USP13: variants seen among roughly 807,000 people sequenced by gnomAD.
USP13 encodes ubiquitin specific peptidase 13, also known as ubiquitin carboxyl-terminal hydrolase 13.
A neutral mutation model predicts 107.8 loss-of-function variants in USP13; 68 were observed. The ratio of observed to expected loss-of-function variants is 0.63; its 90% confidence interval spans 0.52 to 0.77. USP13 has a LOEUF of 0.77. Among genes scored for constraint, USP13 ranks in the 30% least tolerant of loss-of-function variants. The pLI is 0.00. For missense variants in USP13, 945 were observed against 1,093.3 expected (o/e 0.86, Z 1.91); for synonymous variants, 377 against 389.5 (o/e 0.97, Z 0.38).
chr3:179,666,000 C>A (rs1282646780), intron 1 of USP13, among the ~76,000 whole-genome samples: 1 of 152,140 alleles, frequency 6.6e-6, no homozygotes, highest in South Asian at 2.1e-4. Context: ...GGATGGAATC[C>A]GAAGAGACAG....
At chr3:179,744,641 T>G (rs1331688043) in intron 12 of USP13, among the ~76,000 whole-genome samples, 1 of 152,200 alleles carries the variant, frequency 6.6e-6, no homozygotes, top group African/African-American at 2.4e-5. Flanking sequence ...GGACCTTTTC[T>G]GGCTGTGAAA....
At chr3:179,665,172 C>G (rs1198752025) in intron 1 of USP13, among the ~76,000 whole-genome samples, 2 of 152,210 alleles carry the variant, frequency 1.3e-5, no homozygotes, top group African/African-American at 4.8e-5. Context: ...TTCCTGTGCA[C>G]TCTGCACTGC....
intron 8 of USP13, among the ~76,000 whole-genome samples, chr3:179,728,336 C>T (rs1440472372): frequency 6.7e-6 from 1 of 149,208 alleles, no homozygotes. Context: ...CTCCTCACAT[C>T]CCGGACGGGG....
intron 1 of USP13, among the ~76,000 whole-genome samples, chr3:179,669,577 C>T (rs1720687040): frequency 6.6e-6 from 1 of 152,176 alleles, no homozygotes; most frequent in Non-Finnish European, 1.5e-5. Flanking sequence ...GGCTAAGCCA[C>T]CATCTGGCCT....
intron 2 of USP13, among the ~76,000 whole-genome samples, chr3:179,684,725 A>G (rs1486731821): frequency 6.6e-6 from 1 of 151,490 alleles, no homozygotes; most frequent in Non-Finnish European, 1.5e-5. Context: ...TGGTATGGCA[A>G]GCCTTGATAT....
At position 179,723,695 on chromosome 3, in the gene USP13, AT is replaced by A. The variant is rs758731183; in HGVS notation, c.1088+2107del. Among the ~76,000 whole-genome samples, 3 of 152,356 alleles carry A rather than the reference AT, an allele frequency of 2.0e-5. No homozygotes were observed. The South Asian group carries it at 6.2e-4, about 32-fold the overall frequency. On this transcript the variant is annotated intron_variant, in intron 8 of 20. Transcript: ENST00000263966. ...TATTTTCTAAACATTTACTAGATAT[AT>A]GAGAACATGAGCAATGAACTATTCA...
At chr3:179,741,211 GTTTGTT>G (rs1355428128) in intron 11 of USP13, among the ~76,000 whole-genome samples, 1 of 151,230 alleles carries the variant, frequency 6.6e-6, no homozygotes, top group African/African-American at 2.4e-5. Context: ...TTGTTTGTTT[GTTTGTT>G]TTTGTTTGTT....
intron 10 of USP13, among the ~76,000 whole-genome samples, chr3:179,732,354 T>C (rs1251789854): frequency 6.6e-6 from 1 of 152,186 alleles, no homozygotes; most frequent in African/African-American, 2.4e-5. Context: ...TATGATTGGA[T>C]TGGTTCTGCG....
intron 3 of USP13, among the ~76,000 whole-genome samples, chr3:179,700,145 G>A (rs144139169): frequency 2.6e-5 from 4 of 152,178 alleles, no homozygotes; most frequent in African/African-American, 4.8e-5. Flanking sequence ...CTGAGCCTTC[G>A]TTTAACCTTT....
chr3:179,704,466 C>T (rs934218659), intron 4 of USP13, among the ~76,000 whole-genome samples: 5 of 152,154 alleles, frequency 3.3e-5, no homozygotes, highest in African/African-American at 1.2e-4. Flanking sequence ...CACGCCTGCC[C>T]TCTTCCCTGC....
intron 3 of USP13, among the ~76,000 whole-genome samples, chr3:179,695,332 A>C (rs1432135256): frequency 6.6e-6 from 1 of 152,222 alleles, no homozygotes; most frequent in South Asian, 2.1e-4. Context: ...CCATCAGCTC[A>C]ACAGTGACAT....
rs773668205 is a variant in USP13 at position 179,742,151 on chromosome 3, G to A, written c.1381-46G>A. 2 of 1,611,186 alleles carry A rather than the reference G, an allele frequency of 1.2e-6. No homozygotes were observed. The highest frequency in any genetic ancestry group is 2.7e-5 in the African/African-American group (2 of 74,884). On this transcript the variant is annotated intron_variant, in intron 11 of 20. Coordinates refer to ENST00000263966, the MANE Select transcript of USP13 (RefSeq NM_003940.3). The surrounding 1 kb of genome is among the most constrained non-coding windows in gnomAD (Gnocchi z 5.0). The stretch of plus-strand genomic sequence containing the variant: ...GTTCATTTTCTACTAAGTCTTAGTG[G>A]CTCAATATTCATACATTTACTAACC...
In USP13 at chr3:179,701,555, C is replaced by T. The variant is rs181704198; in HGVS notation, c.477+426C>T. ...TTTATTATGTTGGCCTTCCATGTAACATTTTGTTTGGAAAAAAATAGAAGT... is the reference window on the plus strand; with the variant it reads ...TTTATTATGTTGGCCTTCCATGTAATATTTTGTTTGGAAAAAAATAGAAGT... On this transcript the variant is annotated intron_variant, in intron 4 of 20. Coordinates refer to ENST00000263966, the MANE Select transcript of USP13 (RefSeq NM_003940.3). Among the ~76,000 whole-genome samples, 6 of 152,288 alleles carry T rather than the reference C, an allele frequency of 3.9e-5. No homozygotes were observed. The East Asian group carries it at 1.2e-3, about 29-fold the overall frequency.
At chr3:179,752,142 A>G in intron 13 of USP13, 143 bp from the exon 14 acceptor site, 1 of 671,756 alleles carries the variant, frequency 1.5e-6, no homozygotes, top group Admixed American at 2.5e-5. Flanking sequence ...GTCCACTTAC[A>G]TGTCTGTGTT....
At chr3:179,685,865 G>A (rs957986869) in intron 2 of USP13, among the ~76,000 whole-genome samples, 31 of 152,024 alleles carry the variant, frequency 2.0e-4, no homozygotes, top group African/African-American at 4.6e-4. Context: ...CTTCAGGCCC[G>A]TGACTTGTTT....
At chr3:179,752,738 A>G (rs550738714) in intron 14 of USP13, among the ~76,000 whole-genome samples, 1 of 152,348 alleles carries the variant, frequency 6.6e-6, no homozygotes, top group African/African-American at 2.4e-5. Context: ...TGTGTTTCTA[A>G]CAAGCTCCCA....
intron 13 of USP13, 30 bp downstream of exon 13, chr3:179,745,247 G>T (rs779359460): frequency 3.7e-6 from 6 of 1,611,020 alleles, no homozygotes; most frequent in Middle Eastern, 1.7e-4. Flanking sequence ...GTGGCAGTGG[G>T]GTGAGGAGGG....
intron 10 of USP13, among the ~76,000 whole-genome samples, chr3:179,739,645 C>T (rs1442868832): frequency 6.6e-6 from 1 of 151,192 alleles, no homozygotes; most frequent in Non-Finnish European, 1.5e-5. Flanking sequence ...GCAACCTTCA[C>T]CTCCCGGGTT....
At chr3:179,759,987 A>C (rs1714945864) in intron 16 of USP13, among the ~76,000 whole-genome samples, 1 of 152,018 alleles carries the variant, frequency 6.6e-6, no homozygotes, top group Non-Finnish European at 1.5e-5. Flanking sequence ...ATGCATTTTC[A>C]ATACAAAATT....
Sources: allele counts gnomAD v4.1 joint callset (sites outside exome capture counted in the v4.1 genomes callset), GRCh38; gene constraint gnomAD v4.1.1; non-coding constraint Gnocchi (gnomAD v3.1); transcripts MANE v1.5; gene names NCBI Gene and HGNC (gene_info 2026-07-23, HGNC 2026-07-21).